Variants in LRFN2 observed in about 807,000 individuals in gnomAD.
The protein encoded by LRFN2 is leucine rich repeat and fibronectin type III domain containing 2.
Under a neutral mutation model 37.3 loss-of-function variants are expected in LRFN2, and 18 were observed. That is an observed-to-expected ratio of 0.48 (90% CI 0.33 to 0.72). The LOEUF (loss-of-function observed/expected upper bound fraction) is 0.72, where lower values mean the gene tolerates loss of function less well. Among genes scored for constraint, LRFN2 ranks in the 30% least tolerant of loss-of-function variants. LRFN2 has a pLI of 0.02. For missense variants in LRFN2, 1,006 were observed against 1,060.7 expected, an observed-to-expected ratio of 0.95 and a Z score of 0.72; for synonymous variants, 556 against 466.6, an observed-to-expected ratio of 1.19 and a Z score of -2.47.
At chr6:40,434,322 C>T (rs1249263223) in intron 1 of LRFN2, among the ~76,000 whole-genome samples, 1 of 152,106 alleles carries the variant, frequency 6.6e-6, no homozygotes, top group Non-Finnish European at 1.5e-5. Context: ...CCTCACTATC[C>T]CATGTTGTAC....
At chr6:40,454,593 A>G (rs1050333963) in intron 1 of LRFN2, among the ~76,000 whole-genome samples, 1 of 151,866 alleles carries the variant, frequency 6.6e-6, no homozygotes, top group African/African-American at 2.4e-5. Flanking sequence ...ACAATTGCTC[A>G]TTTTTCTCCC....
At chr6:40,468,281 C>T (rs981401106) in intron 1 of LRFN2, among the ~76,000 whole-genome samples, 1 of 152,248 alleles carries the variant, frequency 6.6e-6, no homozygotes, top group African/African-American at 2.4e-5. Context: ...GTAATGCTCT[C>T]ACTAGATGAT....
intron 1 of LRFN2, among the ~76,000 whole-genome samples, chr6:40,467,159 T>C (rs11962663): frequency 0.016 from 1,891 of 121,752 alleles, 40 homozygotes; most frequent in East Asian, 0.079. Context: ...ATTTGGAAAG[T>C]TGAATGAGAT....
chr6:40,585,178 T>C (rs552884723), intron 1 of LRFN2, among the ~76,000 whole-genome samples: 1 of 152,224 alleles, frequency 6.6e-6, no homozygotes, highest in Non-Finnish European at 1.5e-5. Context: ...GAAACAGAAA[T>C]GCCAAGTTTG....
intron 1 of LRFN2, among the ~76,000 whole-genome samples, chr6:40,460,195 T>C (rs1764318750): frequency 6.6e-6 from 1 of 152,166 alleles, no homozygotes; most frequent in Non-Finnish European, 1.5e-5. Context: ...AGCTTTGAGT[T>C]AGTCAACCGA....
At chr6:40,397,550 CA>C (rs1306307403) in intron 2 of LRFN2, among the ~76,000 whole-genome samples, 2 of 152,178 alleles carry the variant, frequency 1.3e-5, no homozygotes, top group Non-Finnish European at 2.9e-5. Context: ...GCTGGGCTCC[CA>C]AACCAGGCTG....
At position 40,528,054 on chromosome 6, in the gene LRFN2, C is replaced by T. The variant is rs118126003; in HGVS notation, c.-19+58887G>A. On this transcript the variant is annotated intron_variant, in intron 1 of 2. Coordinates refer to ENST00000338305, the MANE Select transcript of LRFN2 (RefSeq NM_020737.3). ...TTAAGTAAACTGCCCAAGGTCACAC[C>T]GCTGATTAAGGCCAGAGTGGGAATT... 6.0e-4 allele frequency among the ~76,000 whole-genome samples: 91 copies of T among 152,282 alleles called. No homozygotes were observed. The East Asian group carries it at 0.013, about 21-fold the overall frequency.
chr6:40,522,426 A>G (rs1210693825), intron 1 of LRFN2, among the ~76,000 whole-genome samples: 4 of 152,088 alleles, frequency 2.6e-5, no homozygotes, highest in African/African-American at 4.8e-5. Flanking sequence ...GCTTGCCCCA[A>G]TCTCAAGGGA....
At chr6:40,539,482 T>G (rs1027214464) in intron 1 of LRFN2, among the ~76,000 whole-genome samples, 1 of 152,234 alleles carries the variant, frequency 6.6e-6, no homozygotes. Flanking sequence ...CAGGTTCAAT[T>G]CATTCGTTTA....
At chr6:40,515,823 G>A (rs1275001158) in intron 1 of LRFN2, among the ~76,000 whole-genome samples, 1 of 150,720 alleles carries the variant, frequency 6.6e-6, no homozygotes, top group African/African-American at 2.5e-5. Context: ...AACCAGGGAG[G>A]AGGAGGTTGC....
Position 40,581,962 on chromosome 6 carries a change from C to T in LRFN2, c.-19+4979G>A, listed in dbSNP as rs6458164. On this transcript the variant is annotated intron_variant, in intron 1 of 2. Coordinates refer to ENST00000338305, the MANE Select transcript of LRFN2 (RefSeq NM_020737.3). ...ACCCCCTGGCTTCTTTGACTAAAGCCGCCTTAACAGGAGAATGAAAAAGAA... is the reference window on the plus strand; with the variant it reads ...ACCCCCTGGCTTCTTTGACTAAAGCTGCCTTAACAGGAGAATGAAAAAGAA... 1.0e-3 allele frequency among the ~76,000 whole-genome samples: 155 copies of T among 152,244 alleles called. 1 individual carries two copies. The highest frequency in any genetic ancestry group is 3.4e-3 in the African/African-American group (141 of 41,528).
chr6:40,438,061 T>C (rs997055858), intron 1 of LRFN2, among the ~76,000 whole-genome samples: 1 of 152,196 alleles, frequency 6.6e-6, no homozygotes. Flanking sequence ...GTATCAAATG[T>C]CAGAATCAGC....
chr6:40,495,144 C>T (rs1765196531), intron 1 of LRFN2, among the ~76,000 whole-genome samples: 1 of 152,232 alleles, frequency 6.6e-6, no homozygotes, highest in Non-Finnish European at 1.5e-5. Flanking sequence ...CACTTTTCAA[C>T]ATTTTCCATC....
chr6:40,414,980 T>C (rs1763063365), intron 2 of LRFN2, among the ~76,000 whole-genome samples: 1 of 152,162 alleles, frequency 6.6e-6, no homozygotes, highest in Non-Finnish European at 1.5e-5. Context: ...ACTTTCAGCT[T>C]CAGAGGAGCT....
At chr6:40,399,021 C>A (rs1762672139) in intron 2 of LRFN2, among the ~76,000 whole-genome samples, 1 of 151,902 alleles carries the variant, frequency 6.6e-6, no homozygotes, top group Non-Finnish European at 1.5e-5. Flanking sequence ...GTTTCTGAGC[C>A]CTCAGGCTGC....
At chr6:40,413,919 C>T (rs923998317) in intron 2 of LRFN2, among the ~76,000 whole-genome samples, 3 of 152,184 alleles carry the variant, frequency 2.0e-5, no homozygotes, top group East Asian at 3.9e-4. Flanking sequence ...CTGATGGTTC[C>T]GGGGTTGTTA....
At chr6:40,479,918 C>T (rs1321554172) in intron 1 of LRFN2, among the ~76,000 whole-genome samples, 1 of 152,206 alleles carries the variant, frequency 6.6e-6, no homozygotes, top group Non-Finnish European at 1.5e-5. Flanking sequence ...TGGCTTAAAG[C>T]CTGTTATTTT....
chr6:40,428,163 C>T (rs1289827752), intron 2 of LRFN2, among the ~76,000 whole-genome samples: 1 of 152,226 alleles, frequency 6.6e-6, no homozygotes, highest in Non-Finnish European at 1.5e-5. Context: ...TCCATCAATG[C>T]AGGTGTGTAC....
chr6:40,553,014 C>A (rs2113923862), intron 1 of LRFN2, among the ~76,000 whole-genome samples: 1 of 152,340 alleles, frequency 6.6e-6, no homozygotes. Flanking sequence ...TTTGCACTAG[C>A]TGATGCTTTC....
Sources: gnomAD v4.1 joint callset for allele counts (sites outside exome capture counted in the v4.1 genomes callset) on GRCh38, gnomAD v4.1.1 for gene constraint, MANE v1.5 for transcripts, NCBI Gene and HGNC (gene_info 2026-07-23, HGNC 2026-07-21) for gene names.